Variants in DLG2 observed in about 807,000 individuals in gnomAD.
The protein encoded by DLG2 is disks large homolog 2.
Under a neutral mutation model 132.5 loss-of-function variants are expected in DLG2, and 45 were observed. The ratio of observed to expected loss-of-function variants is 0.34; its 90% CI spans 0.27 to 0.44. DLG2 has a LOEUF of 0.44. DLG2 is among the 20% of genes least tolerant of loss of function. The pLI is 1.00. For missense variants in DLG2, 1,045 were observed against 1,196.9 expected (o/e 0.87, Z 1.87); for synonymous variants, 424 against 419.6 (o/e 1.01, Z -0.13).
intron 18 of DLG2, chr11:83,725,127 C>A (rs2089747618): frequency 1.9e-6 from 1 of 518,098 alleles, no homozygotes. Flanking sequence ...CCGTTTTAAA[C>A]GCTGTAACAA....
chr11:84,674,663 T>C (rs1311584583), intron 6 of DLG2, among the ~76,000 whole-genome samples: 1 of 152,164 alleles, frequency 6.6e-6, no homozygotes, highest in African/African-American at 2.4e-5. Context: ...TTAGGAATAA[T>C]ACAAATTTAT....
Position 85,553,375 on chromosome 11 carries a change from T to C in DLG2, c.40+45282A>G, listed in dbSNP as rs940382984. ...TCCTAACTTCATTAAGCTTACATCA[T>C]ATGTAAATATATAAATAATAGACAT... On this transcript the variant is annotated intron_variant, in intron 3 of 27. Transcript: ENST00000376104. Among the ~76,000 whole-genome samples, 2 of 151,500 alleles carry C rather than the reference T, an allele frequency of 1.3e-5. 1 individual carries two copies. The highest frequency in any genetic ancestry group is 3.0e-5 in the Non-Finnish European group (2 of 67,706).
intron 19 of DLG2, among the ~76,000 whole-genome samples, chr11:83,591,224 T>G (rs1451782060): frequency 7.1e-6 from 1 of 140,248 alleles, no homozygotes; most frequent in Non-Finnish European, 1.5e-5. Context: ...TTGATGAACA[T>G]TGATGCAAAA....
intron 7 of DLG2, among the ~76,000 whole-genome samples, chr11:84,434,012 G>T (rs1401766385): frequency 6.6e-6 from 1 of 151,528 alleles, no homozygotes; most frequent in Non-Finnish European, 1.5e-5. Flanking sequence ...CAGCTACTCG[G>T]AAGGCTGCGG....
At chr11:84,629,977 G>A (rs1427356373) in intron 6 of DLG2, among the ~76,000 whole-genome samples, 2 of 152,110 alleles carry the variant, frequency 1.3e-5, no homozygotes, top group Admixed American at 1.3e-4. Context: ...GTTACTGTGA[G>A]AGCAAAGCCC....
At chr11:84,114,145 T>C (rs2093506761) in intron 9 of DLG2, among the ~76,000 whole-genome samples, 1 of 151,994 alleles carries the variant, frequency 6.6e-6, no homozygotes. Flanking sequence ...TATTTATAAA[T>C]AAATTATTAC....
At chr11:83,499,248 C>T (rs974523500) in intron 21 of DLG2, among the ~76,000 whole-genome samples, 1 of 151,972 alleles carries the variant, frequency 6.6e-6, no homozygotes, top group Non-Finnish European at 1.5e-5. Context: ...AAAGATATCA[C>T]GAGAAAAGAA....
intron 4 of DLG2, among the ~76,000 whole-genome samples, chr11:85,237,601 A>T (rs937316656): frequency 6.6e-6 from 1 of 152,100 alleles, no homozygotes; most frequent in Non-Finnish European, 1.5e-5. Flanking sequence ...GGCCAAGGGG[A>T]CCCCTGAAAA....
intron 6 of DLG2, among the ~76,000 whole-genome samples, chr11:84,582,422 T>A (rs2099518769): frequency 6.7e-6 from 1 of 148,866 alleles, no homozygotes; most frequent in Admixed American, 6.7e-5. Flanking sequence ...AATACATATA[T>A]ATTAAGTTAA....
At chr11:85,110,635 C>T (rs2072571692) in intron 6 of DLG2, among the ~76,000 whole-genome samples, 1 of 152,088 alleles carries the variant, frequency 6.6e-6, no homozygotes, top group Non-Finnish European at 1.5e-5. Flanking sequence ...TTTCTCCCCC[C>T]TGCCACAGAT....
At chr11:85,250,495 A>G (rs952562206) in intron 4 of DLG2, among the ~76,000 whole-genome samples, 2 of 152,166 alleles carry the variant, frequency 1.3e-5, no homozygotes, top group East Asian at 1.9e-4. Flanking sequence ...TTGTCTTGGG[A>G]TAACACAGTA....
intron 22 of DLG2, among the ~76,000 whole-genome samples, chr11:83,478,713 A>G (rs1212990195): frequency 6.6e-6 from 1 of 152,070 alleles, no homozygotes; most frequent in African/African-American, 2.4e-5. Context: ...AAGATAAAGC[A>G]TGATGCTTTC....
At chr11:85,455,171 C>A (rs892858337) in intron 3 of DLG2, among the ~76,000 whole-genome samples, 3 of 152,068 alleles carry the variant, frequency 2.0e-5, no homozygotes, top group Non-Finnish European at 4.4e-5. Flanking sequence ...AATGTTTTTC[C>A]ATTTGTGTAT....
intron 6 of DLG2, among the ~76,000 whole-genome samples, chr11:84,611,454 G>C (rs558423377): frequency 2.0e-5 from 3 of 152,126 alleles, no homozygotes; most frequent in African/African-American, 7.2e-5. Flanking sequence ...CAGTTCATGA[G>C]GTCCCTGGAA....
chr11:83,849,621 A>T (rs1279563550), intron 16 of DLG2, among the ~76,000 whole-genome samples: 3 of 152,132 alleles, frequency 2.0e-5, no homozygotes, highest in East Asian at 3.8e-4. Context: ...AGGAGATCAC[A>T]CTTTAATTAC....
chr11:83,577,401 T>A (rs1056669768), intron 19 of DLG2, among the ~76,000 whole-genome samples: 1 of 145,592 alleles, frequency 6.9e-6, no homozygotes, highest in African/African-American at 2.6e-5. Context: ...ATAGGAGATA[T>A]ATATCTTATT....
intron 7 of DLG2, among the ~76,000 whole-genome samples, chr11:84,268,359 T>G (rs2154362329): frequency 6.6e-6 from 1 of 152,262 alleles, no homozygotes; most frequent in South Asian, 2.1e-4. Context: ...CTTACTCTAA[T>G]GAGGTGGTTA....
chr11:84,800,950 T>C (rs966873139), intron 6 of DLG2, among the ~76,000 whole-genome samples: 75 of 151,922 alleles, frequency 4.9e-4, no homozygotes, highest in Middle Eastern at 3.4e-3. Context: ...CACATGGGGG[T>C]GTAGTGTTCT....
intron 7 of DLG2, among the ~76,000 whole-genome samples, chr11:84,326,100 TA>T (rs1253998853): frequency 6.6e-6 from 1 of 152,070 alleles, no homozygotes; most frequent in Non-Finnish European, 1.5e-5. Flanking sequence ...TCTTTCATTT[TA>T]AAAAATTTTA....
Sources: gnomAD v4.1 joint callset for allele counts (sites outside exome capture counted in the v4.1 genomes callset) on GRCh38, gnomAD v4.1.1 for gene constraint, MANE v1.5 for transcripts, NCBI Gene and HGNC (gene_info 2026-07-23, HGNC 2026-07-21) for gene names.